The following ZFHX3 variants were observed in gnomAD, a reference collection of about 807,000 sequenced individuals.
The protein encoded by ZFHX3 is zinc finger homeobox 3, also known as zinc finger homeobox protein 3.
ZFHX3 carries 42 observed loss-of-function variants against 279.1 expected under a neutral mutation model. The ratio of observed to expected loss-of-function variants is 0.15; its 90% CI spans 0.12 to 0.19. The LOEUF (loss-of-function observed/expected upper bound fraction) is 0.19. ZFHX3 is among the 10% of genes least tolerant of loss of function. The pLI is 1.00. For missense variants in ZFHX3, 4,981 were observed against 4,754.0 expected (o/e 1.05, Z -1.40); for synonymous variants, 2,293 against 1,957.8 (o/e 1.17, Z -4.52).
intron 5 of ZFHX3, among the ~76,000 whole-genome samples, chr16:73,160,987 G>A (rs1288808470): frequency 6.6e-6 from 1 of 151,864 alleles, no homozygotes; most frequent in Non-Finnish European, 1.5e-5. Context: ...GGTGACACAA[G>A]GCCTTTAGAG....
At chr16:73,554,862 C>G (rs2020251246) in intron 2 of ZFHX3, 1 of 152,138 alleles carries the variant, frequency 6.6e-6, no homozygotes, top group African/African-American at 2.4e-5. Flanking sequence ...CCAATGTCTA[C>G]TAGGCCGGGA....
At chr16:73,586,306 T>C (rs2051925235) in intron 2 of ZFHX3, among the ~76,000 whole-genome samples, 2 of 151,990 alleles carry the variant, frequency 1.3e-5, no homozygotes, top group Non-Finnish European at 2.9e-5. Flanking sequence ...TGAAAATCAC[T>C]TGAAACCAGG....
intron 7 of ZFHX3, among the ~76,000 whole-genome samples, chr16:73,119,028 TGG>T (rs1966464200): frequency 6.6e-6 from 1 of 152,190 alleles, no homozygotes. Flanking sequence ...CACTGTGTCC[TGG>T]GATGGTACTA....
chr16:72,911,774 G>A (rs1217612695), intron 3 of ZFHX3, among the ~76,000 whole-genome samples: 1 of 152,216 alleles, frequency 6.6e-6, no homozygotes, highest in Non-Finnish European at 1.5e-5. Context: ...ACAGATCACA[G>A]AACATTTCCA....
intron 1 of ZFHX3, among the ~76,000 whole-genome samples, chr16:73,732,965 T>C (rs328352): frequency 0.87 from 132,650 of 152,208 alleles, 58,736 homozygotes; most frequent in Non-Finnish European, 0.95. Context: ...TGTATACTCT[T>C]GCTGTTGGGT....
intron 5 of ZFHX3, among the ~76,000 whole-genome samples, chr16:73,155,788 A>G (rs1481058883): frequency 1.3e-5 from 2 of 151,934 alleles, no homozygotes; most frequent in Non-Finnish European, 2.9e-5. Context: ...GCGCCATTGC[A>G]CTCCAGCCTG....
At chr16:73,706,562 A>T (rs1441183437) in intron 1 of ZFHX3, among the ~76,000 whole-genome samples, 1 of 151,970 alleles carries the variant, frequency 6.6e-6, no homozygotes, top group African/African-American at 2.4e-5. Flanking sequence ...AGAAACCTTG[A>T]AATAATATTC....
At chr16:72,940,787 A>C (rs1161130381) in intron 3 of ZFHX3, among the ~76,000 whole-genome samples, 1 of 152,254 alleles carries the variant, frequency 6.6e-6, no homozygotes, top group African/African-American at 2.4e-5. Context: ...TCCACTCATT[A>C]ACAGGTTACA....
chr16:73,429,411 C>A (rs1267160640), intron 3 of ZFHX3, among the ~76,000 whole-genome samples: 5 of 152,172 alleles, frequency 3.3e-5, no homozygotes, highest in African/African-American at 1.2e-4. Flanking sequence ...CGACTCACTG[C>A]AACCTCCGCC....
At chr16:73,170,664 A>C (rs1240721736) in intron 5 of ZFHX3, among the ~76,000 whole-genome samples, 1 of 152,214 alleles carries the variant, frequency 6.6e-6, no homozygotes. Flanking sequence ...GGCAGAAGAT[A>C]TGCTGAGCTA....
At chr16:73,626,063 A>C (rs562665982) in intron 2 of ZFHX3, among the ~76,000 whole-genome samples, 1 of 152,178 alleles carries the variant, frequency 6.6e-6, no homozygotes, top group East Asian at 1.9e-4. Context: ...TCATCGTGTT[A>C]GCCAGGATGG....
chr16:73,461,761 A>T (rs1477393164), intron 2 of ZFHX3, among the ~76,000 whole-genome samples: 1 of 152,218 alleles, frequency 6.6e-6, no homozygotes, highest in African/African-American at 2.4e-5. Flanking sequence ...ACCACACAGC[A>T]TTGATTCCTA....
intron 1 of ZFHX3, among the ~76,000 whole-genome samples, chr16:73,682,926 G>GAGAAAGAAAGAAAGAA (rs2053034237): frequency 4.0e-5 from 1 of 25,236 alleles, no homozygotes; most frequent in African/African-American, 1.5e-4. Flanking sequence ...GAGAGAAAGA[G>GAGAAAGAAAGAAAGAA]AAAGAAAGAA....
At chr16:73,245,544 T>A (rs1597240102) in intron 5 of ZFHX3, among the ~76,000 whole-genome samples, 1 of 152,342 alleles carries the variant, frequency 6.6e-6, no homozygotes, top group East Asian at 1.9e-4. Context: ...GAATAAGTCA[T>A]AATAATGAGA....
chr16:73,560,438 G>A (rs903808583), intron 2 of ZFHX3, among the ~76,000 whole-genome samples: 6 of 152,200 alleles, frequency 3.9e-5, no homozygotes, highest in African/African-American at 1.4e-4. Flanking sequence ...CTCTTTTGAT[G>A]TCAAGATTCA....
chr16:73,007,871 T>TGTTTTACACA (rs1597084295), intron 1 of ZFHX3, among the ~76,000 whole-genome samples: 1 of 152,240 alleles, frequency 6.6e-6, no homozygotes, highest in East Asian at 1.9e-4. Context: ...TAAGTTACTG[T>TGTTTTACACA]GTTTTACATT....
chr16:73,559,568 A>C (rs2020339180), intron 2 of ZFHX3, among the ~76,000 whole-genome samples: 1 of 152,070 alleles, frequency 6.6e-6, no homozygotes, highest in South Asian at 2.1e-4. Flanking sequence ...GAAGGTGCAC[A>C]TCCCTCTCTC....
At chr16:73,526,593 T>G (rs2019700013) in intron 2 of ZFHX3, among the ~76,000 whole-genome samples, 1 of 152,250 alleles carries the variant, frequency 6.6e-6, no homozygotes, top group Non-Finnish European at 1.5e-5. Context: ...CCTTTCTCAC[T>G]TAGTTATTCT....
At chr16:73,799,917 C>T (rs1960095255) in intron 1 of ZFHX3, among the ~76,000 whole-genome samples, 1 of 151,910 alleles carries the variant, frequency 6.6e-6, no homozygotes, top group Non-Finnish European at 1.5e-5. Context: ...GACTTAAGGC[C>T]AGGTGTAGTG....
Sources: allele counts gnomAD v4.1 joint callset (sites outside exome capture counted in the v4.1 genomes callset), GRCh38; gene constraint gnomAD v4.1.1; transcripts MANE v1.5; gene names NCBI Gene and HGNC (gene_info 2026-07-23, HGNC 2026-07-21).